Variants in LRP1B observed in about 807,000 individuals in gnomAD.
LRP1B encodes the protein LDL receptor related protein 1B.
Under a neutral mutation model 556.6 loss-of-function variants are expected in LRP1B, and 217 were observed. The ratio of observed to expected loss-of-function variants is 0.39; its 90% CI spans 0.35 to 0.44. The LOEUF (loss-of-function observed/expected upper bound fraction) is 0.44, where lower values mean the gene tolerates loss of function less well. LRP1B is among the 20% of genes least tolerant of loss of function. The pLI is 1.00. For missense variants in LRP1B, 5,053 were observed against 5,620.8 expected, an observed-to-expected ratio of 0.90 and a Z score of 3.23; for synonymous variants, 2,047 against 1,865.8, an observed-to-expected ratio of 1.10 and a Z score of -2.50.
chr2:140,387,933 T>A (rs11889291), intron 66 of LRP1B, among the ~76,000 whole-genome samples: 4,412 of 146,476 alleles, frequency 0.03, 213 homozygotes, highest in African/African-American at 0.1. Flanking sequence ...GCTTGTACTT[T>A]CTTTTTTTTT....
intron 2 of LRP1B, among the ~76,000 whole-genome samples, chr2:141,493,505 G>A (rs1172168995): frequency 2.0e-5 from 3 of 152,148 alleles, no homozygotes; most frequent in Admixed American, 2.0e-4. Flanking sequence ...GGCAACTTGA[G>A]GGGAATCTTG....
chr2:141,140,284 C>T (rs570884695), intron 7 of LRP1B, among the ~76,000 whole-genome samples: 28 of 152,068 alleles, frequency 1.8e-4, no homozygotes, highest in African/African-American at 6.3e-4. Context: ...TATTTCATCA[C>T]GTCTTTCAAC....
At chr2:140,559,146 C>T (rs1322057786) in intron 43 of LRP1B, among the ~76,000 whole-genome samples, 1 of 151,894 alleles carries the variant, frequency 6.6e-6, no homozygotes, top group Non-Finnish European at 1.5e-5. Context: ...ACATGTTAAA[C>T]AATGTCATAG....
intron 7 of LRP1B, among the ~76,000 whole-genome samples, chr2:141,151,445 C>A (rs1701922878): frequency 6.6e-6 from 1 of 152,118 alleles, no homozygotes. Flanking sequence ...AGATTTTTGA[C>A]CACCTATATC....
At chr2:141,521,181 G>C (rs943475783) in intron 2 of LRP1B, among the ~76,000 whole-genome samples, 1 of 152,058 alleles carries the variant, frequency 6.6e-6, no homozygotes, top group Non-Finnish European at 1.5e-5. Context: ...GGCAGTTTCA[G>C]GTTCTTGGGT....
chr2:141,130,777 A>T (rs917948621), intron 7 of LRP1B, among the ~76,000 whole-genome samples: 7 of 152,148 alleles, frequency 4.6e-5, no homozygotes, highest in African/African-American at 1.7e-4. Flanking sequence ...ACCAACTGAA[A>T]TATCTATCAG....
chr2:140,490,199 T>C (rs948357562), intron 57 of LRP1B, among the ~76,000 whole-genome samples: 15 of 152,108 alleles, frequency 9.9e-5, no homozygotes, highest in Admixed American at 2.0e-4. Context: ...GGAAATTGTG[T>C]TTTGTTTCTC....
intron 60 of LRP1B, among the ~76,000 whole-genome samples, chr2:140,471,645 C>A (rs763495452): frequency 2.6e-5 from 4 of 152,172 alleles, no homozygotes; most frequent in Non-Finnish European, 4.4e-5. Context: ...ACATTTTCTC[C>A]TAAAATATTT....
chr2:141,017,565 C>A (rs1697940888), intron 12 of LRP1B, among the ~76,000 whole-genome samples: 1 of 151,482 alleles, frequency 6.6e-6, no homozygotes, highest in Non-Finnish European at 1.5e-5. Context: ...GCCAACTGAT[C>A]CAGCACCTAA....
chr2:140,523,106 A>T (rs957684515), intron 49 of LRP1B, among the ~76,000 whole-genome samples: 6 of 151,972 alleles, frequency 3.9e-5, no homozygotes, highest in African/African-American at 1.4e-4. Flanking sequence ...AAAACTACAG[A>T]CCAATATCCC....
intron 35 of LRP1B, among the ~76,000 whole-genome samples, chr2:140,761,315 A>G (rs1204893210): frequency 6.6e-6 from 1 of 152,198 alleles, no homozygotes; most frequent in Non-Finnish European, 1.5e-5. Context: ...AATGTGTGGG[A>G]ATAAGATATA....
chr2:141,964,567 T>C (rs919059535), intron 1 of LRP1B, among the ~76,000 whole-genome samples: 3 of 151,986 alleles, frequency 2.0e-5, no homozygotes, highest in Non-Finnish European at 4.4e-5. Flanking sequence ...ACTGGATCCC[T>C]TCCTTACACC....
intron 6 of LRP1B, among the ~76,000 whole-genome samples, chr2:141,209,154 G>T (rs973635709): frequency 2.6e-5 from 4 of 152,084 alleles, no homozygotes; most frequent in Non-Finnish European, 5.9e-5. Flanking sequence ...GATACTGTTT[G>T]GTTCTGTGTC....
At chr2:140,927,962 T>G (rs1333673449) in intron 20 of LRP1B, among the ~76,000 whole-genome samples, 1 of 152,018 alleles carries the variant, frequency 6.6e-6, no homozygotes, top group African/African-American at 2.4e-5. Context: ...TCCAGGCAGG[T>G]CTCGAACTCC....
At chr2:141,123,345 T>C (rs924153288) in intron 7 of LRP1B, among the ~76,000 whole-genome samples, 2 of 152,056 alleles carry the variant, frequency 1.3e-5, no homozygotes, top group African/African-American at 2.4e-5. Flanking sequence ...TAGTAACTTT[T>C]ACAATACTAG....
intron 57 of LRP1B, 27 bp from the exon 58 acceptor site, chr2:140,487,766 A>AATAT: frequency 7.1e-7 from 1 of 1,409,810 alleles, no homozygotes; most frequent in Admixed American, 2.2e-5. Flanking sequence ...CTATGTTGTC[A>AATAT]ATGATAGTTC....
At chr2:141,034,613 T>C (rs1036953105) in intron 11 of LRP1B, among the ~76,000 whole-genome samples, 2 of 147,550 alleles carry the variant, frequency 1.4e-5, no homozygotes, top group African/African-American at 5.3e-5. Context: ...AAAATGCTCA[T>C]CATCACTGGC....
chr2:141,254,656 C>CA lies in LRP1B; in HGVS notation c.344-16dup, dbSNP rs750107393. ...GGATAACAGTTCTGTAGAGAAAAAA[C>CA]AAATATATTCTCTATATTTAACTGT... On this transcript the variant is annotated splice_polypyrimidine_tract_variant and intron_variant, in intron 3 of 90. Coordinates refer to ENST00000389484, the MANE Select transcript of LRP1B (RefSeq NM_018557.3). The CA allele has an allele frequency of 6.3e-7, 1 of 1,578,446 alleles. No homozygotes were observed. The highest frequency in any genetic ancestry group is 1.1e-5 in the South Asian group (1 of 89,524).
intron 31 of LRP1B, among the ~76,000 whole-genome samples, chr2:140,835,272 G>T (rs950416299): frequency 6.6e-5 from 10 of 152,078 alleles, no homozygotes; most frequent in Admixed American, 5.9e-4. Context: ...TGCATTATCT[G>T]GAGACAGGAA....
Sources: allele counts gnomAD v4.1 joint callset (sites outside exome capture counted in the v4.1 genomes callset), GRCh38; gene constraint gnomAD v4.1.1; transcripts MANE v1.5; gene names NCBI Gene and HGNC (gene_info 2026-07-23, HGNC 2026-07-21).